DNAH14: variants seen among roughly 807,000 people sequenced by gnomAD.
DNAH14 encodes axonemal beta dynein heavy chain 14.
Under a neutral mutation model 520.9 loss-of-function variants are expected in DNAH14, and 478 were observed. The ratio of observed to expected loss-of-function variants is 0.92; its 90% CI spans 0.85 to 0.99. The LOEUF is 0.99. Ranked by LOEUF, DNAH14 falls within the 50% of genes least tolerant of loss-of-function variation. DNAH14 has a pLI of 0.00. For synonymous variants in DNAH14, 1,581 were observed against 1,757.2 expected (o/e 0.90, Z 2.51); for missense variants, 4,831 against 5,234.5 (o/e 0.92, Z 2.38).
In DNAH14 at chr1:225,305,027, G is replaced by A. The variant is rs1003528162; in HGVS notation, c.8943G>A (p.Leu2981=). 6.5e-7 allele frequency: 1 copy of A among 1,545,144 alleles called. No individual in the cohort carries two copies. The change falls in exon 58 of 86, where the codon TTG becomes TTA. Residue 2981 remains leucine, a synonymous_variant. Coordinates refer to ENST00000682510, the MANE Select transcript of DNAH14 (RefSeq NM_001367479.1). ...RFYYTTPNSY[L]QFMETFAHIL... ...ATTATACCACTCCCAATAGCTACTTGCAATTTATGGAAACATTTGCACACA... is the reference window on the plus strand; with the variant it reads ...ATTATACCACTCCCAATAGCTACTTACAATTTATGGAAACATTTGCACACA...
At chr1:225,349,080 T>C (rs1472970863) in intron 71 of DNAH14, among the ~76,000 whole-genome samples, 2 of 152,060 alleles carry the variant, frequency 1.3e-5, no homozygotes, top group African/African-American at 4.8e-5. Context: ...TAAGTGATCC[T>C]CTCACCTCAC....
At chr1:225,154,502 T>G (rs2080839474) in intron 34 of DNAH14, among the ~76,000 whole-genome samples, 6 of 152,094 alleles carry the variant, frequency 3.9e-5, no homozygotes, top group Admixed American at 3.9e-4. Context: ...ACTGTGGTAC[T>G]GGCTCATGAG....
chr1:225,328,021 G>A (rs911287323), intron 64 of DNAH14, among the ~76,000 whole-genome samples: 3 of 152,108 alleles, frequency 2.0e-5, no homozygotes, highest in Non-Finnish European at 2.9e-5. Flanking sequence ...GATGAGAAAC[G>A]GCATCAAAAC....
intron 52 of DNAH14, among the ~76,000 whole-genome samples, chr1:225,274,256 G>T (rs546977364): frequency 1.4e-5 from 2 of 139,614 alleles, no homozygotes; most frequent in Admixed American, 1.5e-4. Flanking sequence ...CCAGGCGGGA[G>T]TGCTGTGGCG....
chr1:224,968,876 T>C lies in DNAH14; in HGVS notation c.767+2T>C, dbSNP rs1418182150. The C allele has an allele frequency of 2.0e-6, 3 of 1,531,758 alleles. No individual in the cohort carries two copies. The highest frequency in any genetic ancestry group is 1.2e-5 in the South Asian group (1 of 80,578). 94.9% of individuals were successfully genotyped at this position (1,531,758 alleles called of 1,614,324 possible). A position where few individuals can be genotyped will look rare whatever the true frequency, so the allele number is the denominator to read the frequency against. ...ATTCAAGATATTTTCTGATTTCCGGTGAGGTGAAAAAAATGAAACCAATTC... is the reference window on the plus strand; with the variant it reads ...ATTCAAGATATTTTCTGATTTCCGGCGAGGTGAAAAAAATGAAACCAATTC... On this transcript the variant is annotated splice_donor_variant, in intron 7 of 85. Transcript: ENST00000682510. LOFTEE classifies it high-confidence loss of function.
chr1:225,264,264 A>G lies in DNAH14; in HGVS notation c.7222+3A>G. The G allele has an allele frequency of 2.6e-6, 4 of 1,547,620 alleles. No homozygotes were observed. The highest frequency in any genetic ancestry group is 3.5e-6 in the Non-Finnish European group (4 of 1,143,696). On this transcript the variant is annotated splice_donor_region_variant and intron_variant, in intron 47 of 85. Transcript: ENST00000682510. ...TAAGACAGCAACTGGAAGTTCAGGT[A>G]TATATTATAGTACAGTTTCAAAGCT...
chr1:225,182,702 A>G (rs2084186902), intron 36 of DNAH14, among the ~76,000 whole-genome samples: 1 of 152,100 alleles, frequency 6.6e-6, no homozygotes, highest in African/African-American at 2.4e-5. Context: ...TGCATTTAGT[A>G]CTGGCCCTGC....
chr1:225,266,279 CAGT>C (rs1359676168), intron 48 of DNAH14, among the ~76,000 whole-genome samples: 1 of 152,084 alleles, frequency 6.6e-6, no homozygotes, highest in Non-Finnish European at 1.5e-5. Flanking sequence ...AGTAGGCACT[CAGT>C]AAGTAAATCT....
At position 225,145,301 on chromosome 1, in the gene DNAH14, A is replaced by G. The variant is rs745986395; in HGVS notation, c.4741-25A>G. The G allele has an allele frequency of 3.3e-6, 5 of 1,527,570 alleles. No individual in the cohort carries two copies. In the African/African-American group the frequency reaches 5.5e-5, roughly 17 times the overall value. The allele number at this position is 1,527,570 out of a possible 1,614,324, so 94.6% of individuals were successfully genotyped here. ...TATTTTGTGTCATAATTCAAGAAAGATACTAAAATATTTTTGTTTCCCAGT... is the reference window on the plus strand; with the variant it reads ...TATTTTGTGTCATAATTCAAGAAAGGTACTAAAATATTTTTGTTTCCCAGT... On this transcript the variant is annotated intron_variant, in intron 29 of 85. Coordinates refer to ENST00000682510, the MANE Select transcript of DNAH14 (RefSeq NM_001367479.1).
chr1:225,287,780 C>T (rs1224937972), intron 54 of DNAH14, among the ~76,000 whole-genome samples: 2 of 151,922 alleles, frequency 1.3e-5, no homozygotes, highest in East Asian at 3.9e-4. Context: ...ACAATATGAG[C>T]CTGGAGAATC....
intron 64 of DNAH14, among the ~76,000 whole-genome samples, chr1:225,325,524 A>T (rs1388990254): frequency 6.6e-6 from 1 of 151,912 alleles, no homozygotes; most frequent in Non-Finnish European, 1.5e-5. Context: ...TAACCTGTTT[A>T]TATCATTACC....
At chr1:225,379,562 C>T (rs1433874017) in intron 79 of DNAH14, among the ~76,000 whole-genome samples, 3 of 151,944 alleles carry the variant, frequency 2.0e-5, no homozygotes, top group African/African-American at 4.8e-5. Context: ...GAGTCTCGCT[C>T]TGTCACCCAG....
In DNAH14 at chr1:225,280,702, A is replaced by G. The variant is rs897032698; in HGVS notation, c.8271+3200A>G. Among the ~76,000 whole-genome samples, 3 of 152,178 alleles carry G rather than the reference A, an allele frequency of 2.0e-5. No individual in the cohort carries two copies. In the East Asian group the frequency reaches 5.8e-4, roughly 29 times the overall value. The stretch of plus-strand genomic sequence containing the variant: ...GTAGATTAACACCTAGACACATCAT[A>G]GTCAACCATTCAAAGACAAAGAGAA... On this transcript the variant is annotated intron_variant, in intron 54 of 85. Transcript: ENST00000682510.
chr1:224,975,077 C>T (rs993839944), intron 8 of DNAH14, among the ~76,000 whole-genome samples: 4 of 151,726 alleles, frequency 2.6e-5, no homozygotes, highest in African/African-American at 4.8e-5. Context: ...GGATGAAGCC[C>T]GCTTGATCAT....
chr1:225,139,853 T>C (rs573794448), intron 27 of DNAH14, among the ~76,000 whole-genome samples: 1 of 152,332 alleles, frequency 6.6e-6, no homozygotes, highest in Admixed American at 6.5e-5. Context: ...ATTCCTCTTG[T>C]CTTCCCAGAC....
intron 8 of DNAH14, among the ~76,000 whole-genome samples, chr1:224,991,390 G>A (rs888272338): frequency 6.6e-6 from 1 of 151,658 alleles, no homozygotes; most frequent in Admixed American, 6.6e-5. Flanking sequence ...GAGGCGCCCG[G>A]CTGAGCATTT....
chr1:225,095,444 A>C (rs1298503037), intron 21 of DNAH14, among the ~76,000 whole-genome samples: 1 of 152,186 alleles, frequency 6.6e-6, no homozygotes, highest in Non-Finnish European at 1.5e-5. Context: ...TGGGAGCTAA[A>C]CATTGAGTAC....
At chr1:225,398,275 G>A (rs2096053844) in intron 84 of DNAH14, among the ~76,000 whole-genome samples, 1 of 152,124 alleles carries the variant, frequency 6.6e-6, no homozygotes, top group Non-Finnish European at 1.5e-5. Context: ...TTCATGCTGA[G>A]GAAGGGTGTC....
At position 225,273,051 on chromosome 1, in the gene DNAH14, G is replaced by A. The variant is rs2093355385; in HGVS notation, c.7936G>A (p.Asp2646Asn). 6.4e-7 allele frequency: 1 copy of A among 1,551,570 alleles called. No homozygotes were observed. ...TCATGAAGCCACCCGAGTATTTCAC[G>A]ATCGCTTAATTGATTTCACTGATAA... ...FVHEATRVFHDRLIDFTDKSL... is the reference protein window; with the variant it reads ...FVHEATRVFHNRLIDFTDKSL... Residue 2646 changes from aspartate to asparagine, a missense_variant, in exon 52 of 86, where the codon GAT becomes AAT. Coordinates refer to ENST00000682510, the MANE Select transcript of DNAH14 (RefSeq NM_001367479.1).
Sources: allele counts gnomAD v4.1 joint callset (sites outside exome capture counted in the v4.1 genomes callset), GRCh38; gene constraint gnomAD v4.1.1; transcripts MANE v1.5; gene names NCBI Gene and HGNC (gene_info 2026-07-23, HGNC 2026-07-21).